SLCO2B1: variants seen among roughly 807,000 people sequenced by gnomAD.
SLCO2B1 encodes the protein OATP-RP2.
In SLCO2B1, 41 loss-of-function variants were observed where a neutral mutation model predicts 67.3. The ratio of observed to expected loss-of-function variants is 0.61; its 90% CI spans 0.47 to 0.79. The LOEUF (loss-of-function observed/expected upper bound fraction) is 0.79. Ranked by LOEUF, SLCO2B1 falls within the 30% of genes least tolerant of loss-of-function variation. SLCO2B1 has a pLI of 0.00. For synonymous variants in SLCO2B1, 379 were observed against 381.4 expected (o/e 0.99, Z 0.07); for missense variants, 837 against 920.1 (o/e 0.91, Z 1.17).
At position 75,169,270 on chromosome 11, in the gene SLCO2B1, A is replaced by C. The variant is rs140159487; in HGVS notation, c.546A>C (p.Glu182Asp). 5.0e-6 allele frequency: 8 copies of C among 1,614,052 alleles called. No homozygotes were observed. The African/African-American group carries it at 1.1e-4, about 22-fold the overall frequency. ...PSNGNCSSYTETQHLSVVGIM... is the reference protein window; with the variant it reads ...PSNGNCSSYTDTQHLSVVGIM... ...ATGGCAACTGCTCAAGCTACACAGA[A>C]ACCCAGCATCTGAGTGTGGTGGGGA... The change falls in exon 5 of 14, where the codon GAA (glutamate) becomes GAC (aspartate). Residue 182 changes from glutamate to aspartate, a missense_variant. Transcript: ENST00000289575.
intron 7 of SLCO2B1, among the ~76,000 whole-genome samples, chr11:75,179,161 GT>G (rs912512008): frequency 5.3e-4 from 68 of 129,036 alleles, no homozygotes; most frequent in African/African-American, 1.9e-3. Flanking sequence ...TTTTAAAAAT[GT>G]TTTCATTTTT....
intron 7 of SLCO2B1, among the ~76,000 whole-genome samples, chr11:75,174,990 C>T (rs952794153): frequency 3.9e-5 from 6 of 152,134 alleles, no homozygotes; most frequent in Non-Finnish European, 7.3e-5. Context: ...TGAGAATGCA[C>T]GAGTCCTTGA....
At chr11:75,168,992 G>A (rs886272070) in intron 4 of SLCO2B1, among the ~76,000 whole-genome samples, 181 bp from the exon 5 acceptor site, 1 of 152,164 alleles carries the variant, frequency 6.6e-6, no homozygotes, top group Non-Finnish European at 1.5e-5. Flanking sequence ...CTTACTAGTT[G>A]CTGTCTAAGC....
In SLCO2B1 at chr11:75,188,148, C is replaced by T; in HGVS notation, c.985C>T (p.Pro329Ser). 1 of 1,613,106 alleles carries T rather than the reference C, an allele frequency of 6.2e-7. No homozygotes were observed. The highest frequency in any genetic ancestry group is 2.2e-5 in the East Asian group (1 of 44,876). Residue 329 changes from proline (P) to serine (S), a missense_variant, in exon 8 of 14, where the codon CCC becomes TCC. Physicochemically the swap from Pro to Ser is moderately conservative, Grantham distance 74. Coordinates refer to ENST00000289575, the MANE Select transcript of SLCO2B1 (RefSeq NM_007256.5). ...GTGTCTCCTTCAGGGCAAGGACTCT[C>T]CCTCTAAGCAGAGCCCTGGGGAGTC... ...DSPARKGKDS[P>S]SKQSPGESTK...
intron 1 of SLCO2B1, chr11:75,159,790 A>G: frequency 3.1e-6 from 3 of 967,988 alleles, no homozygotes; most frequent in Non-Finnish European, 3.7e-6. Context: ...AAACAGCCAT[A>G]TCTCTAAAGG....
At chr11:75,200,590 C>CGA in intron 11 of SLCO2B1, 1 of 510,384 alleles carries the variant, frequency 2.0e-6, no homozygotes, top group South Asian at 3.4e-5. Context: ...AAAATTGAGG[C>CGA]TCAGAGAAGT....
At chr11:75,161,007 G>A (rs768844943) in intron 1 of SLCO2B1, among the ~76,000 whole-genome samples, 3 of 152,166 alleles carry the variant, frequency 2.0e-5, no homozygotes, top group Admixed American at 6.5e-5. Flanking sequence ...GTGGAAAATG[G>A]TTTGGCAGTT....
At chr11:75,168,019 G>A (rs1381156818) in intron 4 of SLCO2B1, among the ~76,000 whole-genome samples, 1 of 150,856 alleles carries the variant, frequency 6.6e-6, no homozygotes, top group African/African-American at 2.4e-5. Flanking sequence ...TCAGCCTCCT[G>A]AGTAGCTGGG....
intron 11 of SLCO2B1, 104 bp downstream of exon 11, chr11:75,200,491 G>C: frequency 8.3e-7 from 1 of 1,209,570 alleles, no homozygotes. Context: ...AGGCCACTTG[G>C]GTGTCCTGGC....
chr11:75,188,239 G>A lies in SLCO2B1; in HGVS notation c.1075+1G>A. The A allele has an allele frequency of 6.2e-7, 1 of 1,609,810 alleles. No homozygotes were observed. The highest frequency in any genetic ancestry group is 8.5e-7 in the Non-Finnish European group (1 of 1,176,072). On this transcript the variant is annotated splice_donor_variant, in intron 8 of 13. Transcript: ENST00000289575. LOFTEE classifies it high-confidence loss of function. ...CTGACTGTGATCCAGTTCATTAAAG[G>A]TAAGTCAGCTCAGACCAGGTTATGG...
chr11:75,189,921 C>T (rs1257295366), intron 8 of SLCO2B1, among the ~76,000 whole-genome samples: 2 of 150,910 alleles, frequency 1.3e-5, no homozygotes, highest in Non-Finnish European at 2.9e-5. Context: ...GTGATCTGGC[C>T]GCTGCGCTCC....
intron 6 of SLCO2B1, among the ~76,000 whole-genome samples, chr11:75,170,628 G>A (rs538525593): frequency 1.4e-4 from 22 of 152,276 alleles, no homozygotes; most frequent in African/African-American, 5.3e-4. Context: ...ACATGCAGAC[G>A]CTGCTTCTCG....
rs553595767 is a variant in SLCO2B1 at position 75,169,303 on chromosome 11, C to G, written c.579C>G (p.Phe193Leu). Residue 193 changes from phenylalanine (F) to leucine (L), a missense_variant, in exon 5 of 14, where the codon TTC (phenylalanine) becomes TTG (leucine). By Grantham distance (22) the Phe-to-Leu change is conservative (BLOSUM62 0). Coordinates refer to ENST00000289575, the MANE Select transcript of SLCO2B1 (RefSeq NM_007256.5). ...ATCTGAGTGTGGTGGGGATCATGTT[C>G]GTGGCACAGACCCTGCTGGGCGTGG... Reference protein sequence around the residue: ...TQHLSVVGIMFVAQTLLGVGG... With the variant: ...TQHLSVVGIMLVAQTLLGVGG... The G allele has an allele frequency of 6.2e-6, 10 of 1,614,156 alleles. No homozygotes were observed. In the African/African-American group the frequency reaches 9.3e-5, roughly 15 times the overall value.
chr11:75,159,561 G>A (rs1009053845), intron 1 of SLCO2B1, among the ~76,000 whole-genome samples: 32 of 152,170 alleles, frequency 2.1e-4, no homozygotes, highest in African/African-American at 6.5e-4. Context: ...GGGGAGTTCC[G>A]CCCTGAGTCA....
intron 2 of SLCO2B1, 89 bp downstream of exon 2, chr11:75,162,874 C>T: frequency 6.9e-7 from 1 of 1,447,072 alleles, no homozygotes. Context: ...AAGACTTTCT[C>T]TGAGCCTCGG....
intron 1 of SLCO2B1, among the ~76,000 whole-genome samples, chr11:75,156,064 C>T (rs1221669342): frequency 6.6e-6 from 1 of 152,124 alleles, no homozygotes; most frequent in African/African-American, 2.4e-5. Flanking sequence ...AGGACATTTT[C>T]CTTTAATCCT....
chr11:75,155,319 C>A (rs1488644062), intron 1 of SLCO2B1, among the ~76,000 whole-genome samples: 1 of 152,172 alleles, frequency 6.6e-6, no homozygotes, highest in African/African-American at 2.4e-5. Flanking sequence ...GAATGCTGGG[C>A]CAGGCCGAAC....
chr11:75,169,267 A>G lies in SLCO2B1; in HGVS notation c.543A>G (p.Thr181=). 1.2e-6 allele frequency: 2 copies of G among 1,614,202 alleles called. No individual in the cohort carries two copies. The highest frequency in any genetic ancestry group is 1.7e-6 in the Non-Finnish European group (2 of 1,180,024). The change falls in exon 5 of 14, where the codon ACA becomes ACG. Residue 181 remains threonine (T), a synonymous_variant. Transcript: ENST00000289575. ...CCAATGGCAACTGCTCAAGCTACAC[A>G]GAAACCCAGCATCTGAGTGTGGTGG... is the stretch of plus-strand genomic sequence containing the variant. ...APSNGNCSSY[T]ETQHLSVVGI...
chr11:75,170,621 T>C (rs1357661419), intron 6 of SLCO2B1, among the ~76,000 whole-genome samples: 3 of 152,264 alleles, frequency 2.0e-5, no homozygotes, highest in East Asian at 1.9e-4. Flanking sequence ...TGAATGGACA[T>C]GCAGACGCTG....
Sources: allele counts gnomAD v4.1 joint callset (sites outside exome capture counted in the v4.1 genomes callset), GRCh38; gene constraint gnomAD v4.1.1; transcripts MANE v1.5; gene names NCBI Gene and HGNC (gene_info 2026-07-23, HGNC 2026-07-21).